GRID2: variants seen among roughly 807,000 people sequenced by gnomAD.
GRID2 encodes glutamate ionotropic receptor delta type subunit 2, also known as glutamate receptor ionotropic, delta-2.
GRID2 carries 33 observed loss-of-function variants against 114.8 expected under a neutral mutation model. The observed-to-expected ratio is 0.29, with a 90% CI of 0.22 to 0.38. The LOEUF is 0.38. Ranked by LOEUF, GRID2 falls within the 10% of genes least tolerant of loss-of-function variation. GRID2 has a pLI of 1.00. For synonymous variants in GRID2, 505 were observed against 449.9 expected (o/e 1.12, Z -1.55); for missense variants, 1,184 against 1,257.7 (o/e 0.94, Z 0.89).
chr4:92,391,652 C>T (rs1055348279), intron 1 of GRID2, among the ~76,000 whole-genome samples: 3 of 152,150 alleles, frequency 2.0e-5, no homozygotes, highest in Non-Finnish European at 2.9e-5. Flanking sequence ...AATAAATAGA[C>T]CACTGTGTGG....
chr4:93,635,198 A>ATG (rs1257005229), intron 14 of GRID2, among the ~76,000 whole-genome samples: 2 of 151,300 alleles, frequency 1.3e-5, no homozygotes, highest in African/African-American at 2.4e-5. Flanking sequence ...ATTTAATTTT[A>ATG]TGTGTGTATA....
chr4:93,473,890 A>G (rs2149438198), intron 11 of GRID2, among the ~76,000 whole-genome samples: 1 of 152,190 alleles, frequency 6.6e-6, no homozygotes, highest in South Asian at 2.1e-4. Flanking sequence ...AAAAGCAGCA[A>G]ATACATATTT....
intron 4 of GRID2, among the ~76,000 whole-genome samples, chr4:93,180,648 A>C (rs568656604): frequency 3.5e-4 from 54 of 152,280 alleles, no homozygotes; most frequent in African/African-American, 1.3e-3. Context: ...TTATCAATTA[A>C]GTTGATGGAA....
At chr4:92,372,677 C>G (rs541534249) in intron 1 of GRID2, among the ~76,000 whole-genome samples, 8 of 152,194 alleles carry the variant, frequency 5.3e-5, no homozygotes, top group African/African-American at 1.9e-4. Flanking sequence ...ACCAAACCTG[C>G]AATTCCTCCA....
intron 2 of GRID2, among the ~76,000 whole-genome samples, chr4:92,596,949 A>G (rs1273489938): frequency 6.6e-6 from 1 of 152,044 alleles, no homozygotes; most frequent in Non-Finnish European, 1.5e-5. Flanking sequence ...TTAACCATGA[A>G]AAAGCATGCC....
chr4:92,382,785 C>A (rs1261275058), intron 1 of GRID2, among the ~76,000 whole-genome samples: 1 of 151,838 alleles, frequency 6.6e-6, no homozygotes, highest in Non-Finnish European at 1.5e-5. Flanking sequence ...CTACATACTT[C>A]CAGAAAGCCA....
At chr4:93,469,705 T>C (rs1192547421) in intron 11 of GRID2, among the ~76,000 whole-genome samples, 1 of 152,072 alleles carries the variant, frequency 6.6e-6, no homozygotes, top group Non-Finnish European at 1.5e-5. Flanking sequence ...TCAACCACAG[T>C]AGGAATCTGT....
intron 2 of GRID2, among the ~76,000 whole-genome samples, chr4:92,638,118 T>C: frequency 6.6e-6 from 1 of 151,938 alleles, no homozygotes; most frequent in South Asian, 2.1e-4. Context: ...CATTTCTAGA[T>C]TTTTTTGCAG....
intron 1 of GRID2, among the ~76,000 whole-genome samples, chr4:92,391,669 C>T (rs560511448): frequency 1.3e-5 from 2 of 152,082 alleles, no homozygotes; most frequent in African/African-American, 2.4e-5. Context: ...GTGGATTACA[C>T]GTATAGGTAA....
intron 1 of GRID2, among the ~76,000 whole-genome samples, chr4:92,364,691 T>C (rs1728768521): frequency 6.6e-6 from 1 of 151,994 alleles, no homozygotes; most frequent in Non-Finnish European, 1.5e-5. Flanking sequence ...TAGTTTTTTG[T>C]GGTAGTAACA....
At chr4:93,498,717 C>G (rs1727804277) in intron 12 of GRID2, among the ~76,000 whole-genome samples, 1 of 151,780 alleles carries the variant, frequency 6.6e-6, no homozygotes, top group African/African-American at 2.4e-5. Flanking sequence ...ATGCCATTTA[C>G]AAAGTCAGGT....
chr4:92,439,880 G>A (rs1393093092), intron 1 of GRID2, among the ~76,000 whole-genome samples: 1 of 144,906 alleles, frequency 6.9e-6, no homozygotes. Flanking sequence ...TGGAGAAACA[G>A]TGTAAACCGG....
intron 1 of GRID2, among the ~76,000 whole-genome samples, chr4:93,802,487 C>T (rs2110368120): frequency 6.6e-6 from 1 of 152,132 alleles, no homozygotes; most frequent in East Asian, 1.9e-4. Context: ...TAGTACCTCA[C>T]AAGAATTAAA....
intron 1 of GRID2, among the ~76,000 whole-genome samples, chr4:92,576,487 T>G (rs1391271048): frequency 6.6e-6 from 1 of 152,184 alleles, no homozygotes; most frequent in African/African-American, 2.4e-5. Context: ...AGACTGGCAC[T>G]GCTCGGCTCC....
intron 1 of GRID2, among the ~76,000 whole-genome samples, chr4:92,491,852 A>G (rs532723779): frequency 6.6e-6 from 1 of 152,314 alleles, no homozygotes; most frequent in East Asian, 1.9e-4. Flanking sequence ...ATCACTTTAT[A>G]GAGTACTTTT....
intron 2 of GRID2, among the ~76,000 whole-genome samples, chr4:92,851,902 G>T (rs1198644979): frequency 6.6e-6 from 1 of 151,938 alleles, no homozygotes; most frequent in African/African-American, 2.4e-5. Context: ...CTTTGCAAAA[G>T]AATGCAGAAA....
intron 1 of GRID2, among the ~76,000 whole-genome samples, chr4:92,557,520 C>T (rs1421398540): frequency 1.3e-5 from 2 of 150,720 alleles, no homozygotes; most frequent in African/African-American, 4.9e-5. Flanking sequence ...AAATAAATTG[C>T]AACCAAATAA....
intron 12 of GRID2, 84 bp downstream of exon 12, chr4:93,490,861 T>C (rs1172791406): frequency 3.7e-5 from 33 of 901,142 alleles, no homozygotes; most frequent in Non-Finnish European, 5.2e-5. Context: ...GTATGTGGTG[T>C]CTCATAATAA....
At position 93,490,654 on chromosome 4, in the gene GRID2, A is replaced by G; in HGVS notation, c.1874A>G (p.Tyr625Cys). 2 of 1,610,232 alleles carry G rather than the reference A, an allele frequency of 1.2e-6. No homozygotes were observed. The highest frequency in any genetic ancestry group is 1.7e-6 in the Non-Finnish European group (2 of 1,177,232). ...CTTTCTACAGGCGGGGAAGTCCCGT[A>G]CACGACTCTGGCTACCCGAATGATG... is the stretch of plus-strand genomic sequence containing the variant. Reference protein sequence around the residue: ...SFVQQGGEVPYTTLATRMMMG... With the variant: ...SFVQQGGEVPCTTLATRMMMG... Residue 625 changes from tyrosine to cysteine, a missense_variant, in exon 12 of 16, where the codon TAC becomes TGC. This residue lies in a region of GRID2 where 717 missense variants were observed against 796.9 expected (regional missense o/e 0.90). Coordinates refer to ENST00000282020, the MANE Select transcript of GRID2 (RefSeq NM_001510.4).
Sources: gnomAD v4.1 joint callset for allele counts (sites outside exome capture counted in the v4.1 genomes callset) on GRCh38, gnomAD v4.1.1 for gene constraint, gnomAD v4.1.1 regional missense constraint, MANE v1.5 for transcripts, NCBI Gene and HGNC (gene_info 2026-07-23, HGNC 2026-07-21) for gene names.